SFMBT2: variants seen among roughly 807,000 people sequenced by gnomAD.
The protein encoded by SFMBT2 is scm-like with four MBT domains protein 2.
SFMBT2 carries 38 observed loss-of-function variants against 110.1 expected under a neutral mutation model. The ratio of observed to expected loss-of-function variants is 0.35; its 90% CI spans 0.27 to 0.45. The LOEUF is 0.45. SFMBT2 is among the 20% of genes least tolerant of loss of function. The pLI is 1.00. For missense variants in SFMBT2, 1,011 were observed against 1,094.9 expected (o/e 0.92, Z 1.08); for synonymous variants, 425 against 425.4 (o/e 1.00, Z 0.01).
chr10:7,262,163 G>A (rs1330081701), intron 7 of SFMBT2, among the ~76,000 whole-genome samples: 2 of 152,224 alleles, frequency 1.3e-5, no homozygotes, highest in African/African-American at 2.4e-5. Context: ...TGGAGCAAGT[G>A]TCTGTTCATG....
chr10:7,292,643 T>G (rs1189761102), intron 4 of SFMBT2, among the ~76,000 whole-genome samples: 1 of 152,234 alleles, frequency 6.6e-6, no homozygotes, highest in Non-Finnish European at 1.5e-5. Flanking sequence ...CAAGTTTCAT[T>G]TCAACCTTTC....
At chr10:7,397,088 A>T (rs1268754388) in intron 1 of SFMBT2, among the ~76,000 whole-genome samples, 2 of 152,264 alleles carry the variant, frequency 1.3e-5, no homozygotes, top group African/African-American at 4.8e-5. Flanking sequence ...ATCATTGTGC[A>T]ATTGGAATCA....
At chr10:7,200,951 TAA>T in intron 13 of SFMBT2, 1 of 659,854 alleles carries the variant, frequency 1.5e-6, no homozygotes, top group Non-Finnish European at 1.9e-6. Flanking sequence ...AATAAGGCCT[TAA>T]AAGAAAATCT....
At chr10:7,344,221 G>A (rs973508657) in intron 4 of SFMBT2, among the ~76,000 whole-genome samples, 1 of 152,204 alleles carries the variant, frequency 6.6e-6, no homozygotes, top group Non-Finnish European at 1.5e-5. Flanking sequence ...TTAGGAAGGT[G>A]AGTTCCGTGT....
chr10:7,176,211 G>A (rs377416528), intron 16 of SFMBT2, 46 bp from the exon 17 acceptor site: 5 of 1,586,722 alleles, frequency 3.2e-6, no homozygotes, highest in Admixed American at 1.7e-5. Flanking sequence ...ACCAGATTAT[G>A]ATTCAGGCCT....
At chr10:7,340,655 CAAAAA>C (rs776262305) in intron 4 of SFMBT2, among the ~76,000 whole-genome samples, 5 of 86,780 alleles carry the variant, frequency 5.8e-5, no homozygotes, top group Non-Finnish European at 1.1e-4. Context: ...GAACCTATCT[CAAAAA>C]AAAAAAAAAA....
chr10:7,204,393 G>A (rs896432232), intron 12 of SFMBT2: 2 of 985,410 alleles, frequency 2.0e-6, no homozygotes, highest in African/African-American at 1.7e-5. Context: ...TAAAGTTGGT[G>A]CCTAAATTCC....
At chr10:7,242,875 A>G (rs113478922) in intron 9 of SFMBT2, among the ~76,000 whole-genome samples, 2,133 of 152,296 alleles carry the variant, frequency 0.014, 21 homozygotes, top group South Asian at 0.046. Flanking sequence ...ATCCTCCCCA[A>G]TAAGTTTACT....
At chr10:7,280,910 T>C (rs1841934262) in intron 6 of SFMBT2, among the ~76,000 whole-genome samples, 1 of 152,176 alleles carries the variant, frequency 6.6e-6, no homozygotes, top group Non-Finnish European at 1.5e-5. Context: ...TTCTCTTCTA[T>C]TTTGCTGAAC....
At chr10:7,198,445 T>C (rs1465172625) in intron 14 of SFMBT2, among the ~76,000 whole-genome samples, 4 of 152,220 alleles carry the variant, frequency 2.6e-5, no homozygotes, top group Non-Finnish European at 5.9e-5. Flanking sequence ...GCCACAGGTC[T>C]GCGCATCTGT....
At chr10:7,311,390 C>T (rs556545751) in intron 4 of SFMBT2, among the ~76,000 whole-genome samples, 10 of 152,318 alleles carry the variant, frequency 6.6e-5, no homozygotes, top group South Asian at 2.1e-4. Flanking sequence ...CTTCCATTGA[C>T]GGCGACTCGG....
intron 2 of SFMBT2, among the ~76,000 whole-genome samples, chr10:7,376,727 CAAAAAAAAAAAAAAA>C (rs35816107): frequency 1.4e-3 from 63 of 44,734 alleles, no homozygotes; most frequent in Middle Eastern, 0.042. Flanking sequence ...GGCCCTCCCA[CAAAAAAAAAAAAAAA>C]AAAAAAAAAA....
intron 4 of SFMBT2, among the ~76,000 whole-genome samples, chr10:7,338,911 C>T (rs761574457): frequency 2.6e-5 from 4 of 152,138 alleles, no homozygotes; most frequent in Non-Finnish European, 5.9e-5. Flanking sequence ...TGTTCAGGTA[C>T]AGGACGCTTG....
intron 4 of SFMBT2, among the ~76,000 whole-genome samples, chr10:7,340,094 G>A (rs936963028): frequency 2.0e-5 from 3 of 152,134 alleles, no homozygotes; most frequent in East Asian, 1.9e-4. Context: ...ATCAGGGGCC[G>A]GCCTCAATCC....
At chr10:7,251,948 A>C (rs1194245934) in intron 7 of SFMBT2, among the ~76,000 whole-genome samples, 1 of 152,170 alleles carries the variant, frequency 6.6e-6, no homozygotes, top group Non-Finnish European at 1.5e-5. Context: ...CCTGACAGCC[A>C]CGGGGCTTCT....
intron 4 of SFMBT2, among the ~76,000 whole-genome samples, chr10:7,319,081 T>C (rs1019336536): frequency 2.0e-5 from 3 of 152,100 alleles, no homozygotes; most frequent in African/African-American, 7.2e-5. Context: ...AGAGTTTCCG[T>C]GGGTGGATTC....
At chr10:7,295,472 G>C (rs1032145348) in intron 4 of SFMBT2, among the ~76,000 whole-genome samples, 9 of 152,152 alleles carry the variant, frequency 5.9e-5, no homozygotes, top group Non-Finnish European at 1.3e-4. Flanking sequence ...GACGGCTTTA[G>C]GAATTGTGTC....
intron 4 of SFMBT2, among the ~76,000 whole-genome samples, chr10:7,358,168 G>A (rs1234953058): frequency 7.4e-6 from 1 of 134,994 alleles, no homozygotes; most frequent in Non-Finnish European, 1.8e-5. Context: ...CATCTGCATG[G>A]CCCTGTGACC....
chr10:7,320,100 G>C (rs1279526306), intron 4 of SFMBT2, among the ~76,000 whole-genome samples: 1 of 152,208 alleles, frequency 6.6e-6, no homozygotes, highest in Non-Finnish European at 1.5e-5. Flanking sequence ...GAGACAGAGA[G>C]AGAGAGACAG....
Sources: gnomAD v4.1 joint callset for allele counts (sites outside exome capture counted in the v4.1 genomes callset) on GRCh38, gnomAD v4.1.1 for gene constraint, MANE v1.5 for transcripts, NCBI Gene and HGNC (gene_info 2026-07-23, HGNC 2026-07-21) for gene names.